The following GALK2 variants were observed in gnomAD, a reference collection of about 807,000 sequenced individuals.
The protein encoded by GALK2 is N-acetylgalactosamine kinase.
A neutral mutation model predicts 52.4 loss-of-function variants in GALK2; 36 were observed. That is an observed-to-expected ratio of 0.69 (90% confidence interval 0.53 to 0.91). The LOEUF (loss-of-function observed/expected upper bound fraction) is 0.91. Among genes scored for constraint, GALK2 ranks in the 40% least tolerant of loss-of-function variants. The pLI is 0.00. For missense variants in GALK2, 579 were observed against 559.1 expected (o/e 1.04, Z -0.36); for synonymous variants, 176 against 199.1 (o/e 0.88, Z 0.98).
chr15:49,190,551 A>C (rs1566919883), intron 1 of GALK2, among the ~76,000 whole-genome samples: 1 of 152,266 alleles, frequency 6.6e-6, no homozygotes, highest in East Asian at 1.9e-4. Context: ...GTCAAAAGAC[A>C]AAAGCACAAC....
Position 49,312,877 on chromosome 15 carries a change from C to T in GALK2, c.968-6727C>T, listed in dbSNP as rs189215673. 1.2e-3 allele frequency among the ~76,000 whole-genome samples: 187 copies of T among 152,270 alleles called. 2 individuals carry two copies. Among genetic ancestry groups the T allele is most frequent in the African/African-American group, 4.4e-3 (184 of 41,548 alleles). On this transcript the variant is annotated intron_variant, in intron 8 of 9. Transcript: ENST00000560031. ...ATTCAATACATTGTTTATCAGTGCA[C>T]CTATGGGAGGTGATATTTGATAGCA...
At chr15:49,351,331 G>T (rs1320444197) in intron 3 of GALK2, among the ~76,000 whole-genome samples, 1 of 152,158 alleles carries the variant, frequency 6.6e-6, no homozygotes, top group East Asian at 1.9e-4. Context: ...TCATGTTAAA[G>T]TCTTTCCTGG....
At chr15:49,334,943 G>C (rs1377054528), downstream of GALK2, among the ~76,000 whole-genome samples, 2 of 152,100 alleles carry the variant, frequency 1.3e-5, no homozygotes, top group African/African-American at 4.8e-5. Context: ...CTGACCACAA[G>C]CAATTATTTT....
intron 5 of GALK2, among the ~76,000 whole-genome samples, chr15:49,271,104 T>G (rs1197336619): frequency 2.0e-5 from 3 of 152,124 alleles, no homozygotes; most frequent in African/African-American, 7.2e-5. Flanking sequence ...TTATCATTAT[T>G]TAGCATTTTT....
intron 1 of GALK2, among the ~76,000 whole-genome samples, chr15:49,189,628 C>T (rs988319632): frequency 1.3e-5 from 2 of 152,092 alleles, no homozygotes; most frequent in Non-Finnish European, 2.9e-5. Context: ...GTCATTATTA[C>T]ATAACATTAT....
upstream of GALK2, among the ~76,000 whole-genome samples, chr15:49,167,050 T>G (rs759172267): frequency 6.6e-5 from 10 of 152,234 alleles, no homozygotes; most frequent in Non-Finnish European, 1.5e-4. Context: ...TCTGTAAGTC[T>G]CTAACACCCA....
At chr15:49,207,421 A>T (rs2088389329) in intron 2 of GALK2, among the ~76,000 whole-genome samples, 1 of 152,094 alleles carries the variant, frequency 6.6e-6, no homozygotes, top group Admixed American at 6.5e-5. Context: ...TGTGAAAAGG[A>T]TTGGTTTCAA....
chr15:49,360,369 A>C (rs1462225690), intron 3 of GALK2, among the ~76,000 whole-genome samples: 5 of 152,178 alleles, frequency 3.3e-5, no homozygotes, highest in Admixed American at 3.3e-4. Context: ...AATGTTTAAA[A>C]CTCATGTTAG....
intron 5 of GALK2, among the ~76,000 whole-genome samples, chr15:49,276,639 GA>G (rs1335257908): frequency 6.6e-6 from 1 of 152,128 alleles, no homozygotes; most frequent in Non-Finnish European, 1.5e-5. Flanking sequence ...AGGACAGACA[GA>G]AAAAGCATGA....
chr15:49,263,589 T>A (rs1480045837), intron 5 of GALK2, among the ~76,000 whole-genome samples: 1 of 111,418 alleles, frequency 9.0e-6, no homozygotes, highest in East Asian at 2.1e-4. Flanking sequence ...AATATTGTTA[T>A]ATGTGAATTT....
At chr15:49,273,560 C>CT (rs1166917082) in intron 5 of GALK2, among the ~76,000 whole-genome samples, 171 of 143,406 alleles carry the variant, frequency 1.2e-3, no homozygotes, top group East Asian at 3.4e-3. Flanking sequence ...TTAGAACAGG[C>CT]TTTTTTTTTT....
intron 1 of GALK2, chr15:49,178,548 G>A (rs757534836): frequency 2.3e-5 from 6 of 263,816 alleles, no homozygotes; most frequent in Non-Finnish European, 3.7e-5. Flanking sequence ...TGGTGCACAC[G>A]AATCCTATAT....
intron 2 of GALK2, among the ~76,000 whole-genome samples, chr15:49,203,284 CAG>C (rs2087954402): frequency 1.3e-5 from 2 of 152,108 alleles, no homozygotes; most frequent in South Asian, 4.1e-4. Flanking sequence ...CTCCTGACCT[CAG>C]ATGATCTGCC....
intron 3 of GALK2, among the ~76,000 whole-genome samples, chr15:49,348,338 A>T (rs912465500): frequency 6.6e-6 from 1 of 152,192 alleles, no homozygotes; most frequent in Non-Finnish European, 1.5e-5. Context: ...CAAGTTCCCT[A>T]GCTCTCTGCT....
Position 49,319,890 on chromosome 15 carries a change from A to G in GALK2, c.1169+85A>G, listed in dbSNP as rs2036745905. On this transcript the variant is annotated intron_variant, in intron 9 of 9. Transcript: ENST00000560031. ...AAAAAAATGCAACATTTCATAATCT[A>G]CGGGAATGAAGATCATTCCCCACTT... 8 of 1,177,018 alleles carry G rather than the reference A, an allele frequency of 6.8e-6. No homozygotes were observed. In the South Asian group the frequency reaches 1.0e-4, roughly 15 times the overall value. 72.9% of individuals were successfully genotyped at this position (1,177,018 alleles called of 1,614,324 possible).
At chr15:49,265,228 G>A (rs2092313591) in intron 5 of GALK2, among the ~76,000 whole-genome samples, 1 of 152,194 alleles carries the variant, frequency 6.6e-6, no homozygotes, top group African/African-American at 2.4e-5. Flanking sequence ...GCTCCACCCA[G>A]TTCTAGGTTC....
intron 1 of GALK2, among the ~76,000 whole-genome samples, chr15:49,175,661 G>A (rs1361346063): frequency 6.6e-6 from 1 of 152,014 alleles, no homozygotes; most frequent in Non-Finnish European, 1.5e-5. Context: ...TAAGGGAGGC[G>A]ACCACCTCTC....
At chr15:49,256,917 A>G (rs2091838847) in intron 5 of GALK2, among the ~76,000 whole-genome samples, 1 of 152,200 alleles carries the variant, frequency 6.6e-6, no homozygotes, top group Non-Finnish European at 1.5e-5. Flanking sequence ...ATGTAATCTC[A>G]TTTGCAACAT....
At chr15:49,338,113 G>A (rs543748071) in intron 3 of GALK2, among the ~76,000 whole-genome samples, 1 of 152,106 alleles carries the variant, frequency 6.6e-6, no homozygotes, top group South Asian at 2.1e-4. Context: ...TTAATTGGGG[G>A]CATTTAGCCC....
Sources: allele counts gnomAD v4.1 joint callset (sites outside exome capture counted in the v4.1 genomes callset), GRCh38; gene constraint gnomAD v4.1.1; transcripts MANE v1.5; gene names NCBI Gene and HGNC (gene_info 2026-07-23, HGNC 2026-07-21).